FCHO2: variants seen among roughly 807,000 people sequenced by gnomAD.
FCHO2 encodes F-BAR domain only protein 2.
FCHO2 carries 43 observed loss-of-function variants against 114.1 expected under a neutral mutation model. The observed-to-expected ratio is 0.38, with a 90% CI of 0.30 to 0.49. FCHO2 has a LOEUF of 0.49. Ranked by LOEUF, FCHO2 falls within the 20% of genes least tolerant of loss-of-function variation. FCHO2 has a pLI of 0.97. For missense variants in FCHO2, 807 were observed against 950.4 expected (o/e 0.85, Z 1.98); for synonymous variants, 293 against 315.2 (o/e 0.93, Z 0.75).
intron 2 of FCHO2, among the ~76,000 whole-genome samples, chr5:72,980,776 T>A (rs1753160605): frequency 6.6e-6 from 1 of 152,210 alleles, no homozygotes; most frequent in Non-Finnish European, 1.5e-5. Context: ...CCCTGCTTTT[T>A]TTTGCTTTCC....
intron 20 of FCHO2, among the ~76,000 whole-genome samples, chr5:73,076,623 T>C (rs1742922385): frequency 6.6e-6 from 1 of 152,154 alleles, no homozygotes; most frequent in Non-Finnish European, 1.5e-5. Context: ...CAGAAATTGA[T>C]TATCTGTTGA....
At chr5:72,976,464 C>G (rs1752885725) in intron 2 of FCHO2, among the ~76,000 whole-genome samples, 1 of 152,092 alleles carries the variant, frequency 6.6e-6, no homozygotes, top group Admixed American at 6.6e-5. Flanking sequence ...CCGCCACAGT[C>G]TCCCAAAGCT....
At chr5:73,056,192 C>T in intron 16 of FCHO2, 85 bp downstream of exon 16, 1 of 1,062,088 alleles carries the variant, frequency 9.4e-7, no homozygotes, top group Non-Finnish European at 1.4e-6. Context: ...GAATGGAAAG[C>T]ACAGAGATTT....
At chr5:73,061,545 T>C (rs1461313566) in intron 17 of FCHO2, among the ~76,000 whole-genome samples, 1 of 152,046 alleles carries the variant, frequency 6.6e-6, no homozygotes, top group African/African-American at 2.4e-5. Flanking sequence ...TGTGTGATAA[T>C]TGAAAATTTA....
chr5:72,975,953 T>G (rs1752845358), intron 2 of FCHO2, among the ~76,000 whole-genome samples: 1 of 152,254 alleles, frequency 6.6e-6, no homozygotes, highest in African/African-American at 2.4e-5. Flanking sequence ...CAGGTTTTCG[T>G]GTGAACATAA....
At chr5:72,968,071 CCCA>C (rs1193461355) in intron 1 of FCHO2, among the ~76,000 whole-genome samples, 1 of 151,678 alleles carries the variant, frequency 6.6e-6, no homozygotes, top group Non-Finnish European at 1.5e-5. Flanking sequence ...ACTACAGGTG[CCCA>C]CCACCACGCC....
chr5:72,987,356 A>G (rs1316738410), intron 2 of FCHO2, among the ~76,000 whole-genome samples: 1 of 151,560 alleles, frequency 6.6e-6, no homozygotes, highest in Non-Finnish European at 1.5e-5. Flanking sequence ...TATTTATTTG[A>G]GACAGAGTTT....
At chr5:72,991,963 C>T (rs1753836477) in intron 5 of FCHO2, among the ~76,000 whole-genome samples, 1 of 152,026 alleles carries the variant, frequency 6.6e-6, no homozygotes, top group South Asian at 2.1e-4. Flanking sequence ...GTCTGAATAA[C>T]CAAATCAACT....
At chr5:72,985,363 T>C (rs1253147366) in intron 2 of FCHO2, among the ~76,000 whole-genome samples, 1 of 151,990 alleles carries the variant, frequency 6.6e-6, no homozygotes, top group Non-Finnish European at 1.5e-5. Flanking sequence ...GGTTTCACCA[T>C]GTTGGCCAGG....
chr5:72,969,482 C>G (rs1042708508), intron 2 of FCHO2, among the ~76,000 whole-genome samples: 2 of 152,236 alleles, frequency 1.3e-5, no homozygotes, highest in South Asian at 2.1e-4. Context: ...GGGTAAGGCT[C>G]TCCTTCCTCC....
chr5:73,002,433 A>G (rs1196583347), intron 5 of FCHO2, among the ~76,000 whole-genome samples: 1 of 152,216 alleles, frequency 6.6e-6, no homozygotes, highest in African/African-American at 2.4e-5. Flanking sequence ...CCATGTAGTC[A>G]TCCTTTATTT....
chr5:73,058,549 AT>A (rs1394803334), intron 17 of FCHO2, 25 bp downstream of exon 17: 4 of 936,172 alleles, frequency 4.3e-6, no homozygotes, highest in Non-Finnish European at 4.6e-6. Context: ...GTATATATGT[AT>A]TTTTTTAAAT....
In FCHO2 at chr5:73,010,986, C is replaced by T. The variant is rs72764849; in HGVS notation, c.600+4437C>T. 2.8e-3 allele frequency among the ~76,000 whole-genome samples: 426 copies of T among 151,274 alleles called. 2 individuals are homozygous for T. Among genetic ancestry groups the T allele is most frequent in the Non-Finnish European group, 5.2e-3 (351 of 67,900 alleles). The stretch of plus-strand genomic sequence containing the variant: ...TATGGTTTAGTCTGTTGCTTGTAAG[C>T]TACAAACCTGTACAGCCTGTTACTG... On this transcript the variant is annotated intron_variant, in intron 6 of 25. Transcript: ENST00000430046.
At chr5:72,957,604 T>C (rs967929167) in intron 1 of FCHO2, among the ~76,000 whole-genome samples, 10 of 152,268 alleles carry the variant, frequency 6.6e-5, no homozygotes, top group Non-Finnish European at 1.5e-4. Flanking sequence ...CAATCAGTGA[T>C]GGACATCTGG....
intron 8 of FCHO2, among the ~76,000 whole-genome samples, chr5:73,018,268 C>T (rs1755413762): frequency 6.6e-6 from 1 of 152,088 alleles, no homozygotes; most frequent in Admixed American, 6.6e-5. Context: ...TTTTTCCCTT[C>T]AGACTTTCTT....
Position 73,015,779 on chromosome 5 carries a change from C to T in FCHO2, c.699+55C>T, listed in dbSNP as rs1755274990. The T allele has an allele frequency of 6.5e-6, 7 of 1,074,086 alleles. No individual in the cohort carries two copies. In the South Asian group the frequency reaches 1.1e-4, roughly 16 times the overall value. The allele number at this position is 1,074,086 out of a possible 1,614,324, so 66.5% of individuals were successfully genotyped here. A position where few individuals can be genotyped will look rare whatever the true frequency, so the allele number is the denominator to read the frequency against. On this transcript the variant is annotated intron_variant, in intron 7 of 25. Transcript: ENST00000430046. ...TCATGAAAAATTTGTTTATTTATAGCTCTTTAAAAATATTTTCTCACTCTG... is the reference window on the plus strand; with the variant it reads ...TCATGAAAAATTTGTTTATTTATAGTTCTTTAAAAATATTTTCTCACTCTG...
At chr5:73,025,270 A>G (rs1004125876) in intron 8 of FCHO2, among the ~76,000 whole-genome samples, 2 of 152,062 alleles carry the variant, frequency 1.3e-5, no homozygotes, top group East Asian at 3.9e-4. Flanking sequence ...GTGCAATGGC[A>G]CAATCTCAGC....
At chr5:72,979,378 C>CTTT (rs60234739) in intron 2 of FCHO2, among the ~76,000 whole-genome samples, 1,574 of 49,886 alleles carry the variant, frequency 0.032, 273 homozygotes, top group East Asian at 0.085. Flanking sequence ...TTATCAATTT[C>CTTT]TTTTTTTTTT....
chr5:72,960,686 A>C (rs1056449402), intron 1 of FCHO2, among the ~76,000 whole-genome samples: 15 of 152,180 alleles, frequency 9.9e-5, no homozygotes, highest in Admixed American at 1.3e-4. Flanking sequence ...GTAATAATTA[A>C]AATGGCATTA....
Sources: allele counts gnomAD v4.1 joint callset (sites outside exome capture counted in the v4.1 genomes callset), GRCh38; gene constraint gnomAD v4.1.1; transcripts MANE v1.5; gene names NCBI Gene and HGNC (gene_info 2026-07-23, HGNC 2026-07-21).